The following KSR2 variants were observed in gnomAD, a reference collection of about 807,000 sequenced individuals.
The protein encoded by KSR2 is kinase suppressor of ras 2.
A neutral mutation model predicts 107.8 loss-of-function variants in KSR2; 25 were observed. The observed-to-expected ratio is 0.23, with a 90% CI of 0.17 to 0.32. KSR2 has a LOEUF of 0.32. KSR2 is among the 10% of genes least tolerant of loss of function. KSR2 has a pLI of 1.00. For missense variants in KSR2, 887 were observed against 1,268.9 expected (o/e 0.70, Z 4.57); for synonymous variants, 480 against 507.0 (o/e 0.95, Z 0.71).
At chr12:117,710,877 T>G (rs1886745050) in intron 4 of KSR2, among the ~76,000 whole-genome samples, 1 of 152,056 alleles carries the variant, frequency 6.6e-6, no homozygotes, top group South Asian at 2.1e-4. Flanking sequence ...CAATGAACAT[T>G]CTAAAATCAT....
chr12:117,704,400 T>C (rs1886440572), intron 4 of KSR2, among the ~76,000 whole-genome samples: 1 of 152,164 alleles, frequency 6.6e-6, no homozygotes, highest in South Asian at 2.1e-4. Context: ...GTCTCTTTAA[T>C]AATTGATCAA....
chr12:117,786,163 T>C (rs561495504), intron 3 of KSR2, among the ~76,000 whole-genome samples: 1 of 152,234 alleles, frequency 6.6e-6, no homozygotes, highest in African/African-American at 2.4e-5. Context: ...TACTAGAACA[T>C]CTTTTTTTTT....
chr12:117,757,336 C>T (rs191921005), intron 4 of KSR2, among the ~76,000 whole-genome samples: 14 of 152,314 alleles, frequency 9.2e-5, no homozygotes, highest in Admixed American at 7.2e-4. Flanking sequence ...CAAGGAGTTG[C>T]TTCTTACGGA....
At chr12:117,906,302 G>T (rs371259610) in intron 1 of KSR2, among the ~76,000 whole-genome samples, 1 of 144,306 alleles carries the variant, frequency 6.9e-6, no homozygotes, top group Non-Finnish European at 1.5e-5. Context: ...GTGGTGAGCC[G>T]AGATCGGGCC....
At chr12:117,529,292 C>T (rs745481328) in intron 12 of KSR2, among the ~76,000 whole-genome samples, 2 of 152,200 alleles carry the variant, frequency 1.3e-5, no homozygotes, top group African/African-American at 2.4e-5. Context: ...TCCCACCTCA[C>T]TGAACCTCCA....
intron 1 of KSR2, among the ~76,000 whole-genome samples, chr12:117,948,141 A>G: frequency 6.6e-6 from 1 of 152,172 alleles, no homozygotes; most frequent in East Asian, 1.9e-4. Flanking sequence ...CCTAGATTTG[A>G]CTGGTCAATT....
intron 3 of KSR2, among the ~76,000 whole-genome samples, chr12:117,789,151 C>T (rs536240505): frequency 7.2e-5 from 11 of 152,300 alleles, no homozygotes; most frequent in African/African-American, 2.4e-4. Flanking sequence ...TGCTAAACTT[C>T]GTACATCTCA....
chr12:117,901,502 CA>C (rs2137395109), intron 1 of KSR2, among the ~76,000 whole-genome samples: 1 of 152,124 alleles, frequency 6.6e-6, no homozygotes, highest in South Asian at 2.1e-4. Flanking sequence ...GAGGTTTCAC[CA>C]TATTGCCCAG....
intron 7 of KSR2, among the ~76,000 whole-genome samples, chr12:117,559,345 T>G (rs1877948198): frequency 6.6e-6 from 1 of 152,220 alleles, no homozygotes; most frequent in Non-Finnish European, 1.5e-5. Flanking sequence ...AAATATCAAA[T>G]ATCATGCTTT....
intron 4 of KSR2, among the ~76,000 whole-genome samples, chr12:117,720,966 C>T (rs1320918937): frequency 6.6e-6 from 1 of 152,170 alleles, no homozygotes; most frequent in African/African-American, 2.4e-5. Context: ...ATGACAGTGA[C>T]AGGTATTGAC....
At chr12:117,532,775 G>T (rs1444454614) in intron 10 of KSR2, among the ~76,000 whole-genome samples, 1 of 152,100 alleles carries the variant, frequency 6.6e-6, no homozygotes, top group Admixed American at 6.6e-5. Flanking sequence ...GGAATAGGGG[G>T]CCAAGCGGTG....
chr12:117,872,557 G>A (rs1031823410), intron 1 of KSR2, among the ~76,000 whole-genome samples: 5 of 149,676 alleles, frequency 3.3e-5, no homozygotes, highest in Admixed American at 6.7e-5. Flanking sequence ...AGAGCAAGAC[G>A]CTGTCTCCAA....
chr12:117,615,775 C>T (rs1881845453), intron 5 of KSR2, among the ~76,000 whole-genome samples: 1 of 152,314 alleles, frequency 6.6e-6, no homozygotes, highest in Middle Eastern at 3.4e-3. Flanking sequence ...ACTGCCCAGC[C>T]AAGCTGCTCC....
rs574916226 is a variant in KSR2 at position 117,699,032 on chromosome 12, C to A, written c.987-31374G>T. Among the ~76,000 whole-genome samples, 4 of 152,356 alleles carry A rather than the reference C, an allele frequency of 2.6e-5. No homozygotes were observed. The South Asian group carries it at 8.3e-4, about 32-fold the overall frequency. Reference sequence around the variant, plus strand: ...TCTAAAAGAGCAGCTCTCTCCTTAACACTTTCTACCTCTTGACCTTGCTCT... The same window carrying A: ...TCTAAAAGAGCAGCTCTCTCCTTAAAACTTTCTACCTCTTGACCTTGCTCT... On this transcript the variant is annotated intron_variant, in intron 4 of 19. Transcript: ENST00000339824.
In KSR2 at chr12:117,465,651, C is replaced by G. The variant is rs1376787120; in HGVS notation, c.*1548G>C. The G allele has an allele frequency of 6.6e-6, 1 of 152,186 alleles. No individual in the cohort carries two copies. Among genetic ancestry groups the G allele is most frequent in the Non-Finnish European group, 1.5e-5 (1 of 68,064 alleles). The allele number at this position is 152,186 out of a possible 1,614,324, so 9.4% of individuals were successfully genotyped here. On this transcript the variant is annotated 3_prime_UTR_variant, in exon 20 of 20. Transcript: ENST00000339824. ...GAAGTTCCAGTTCCTCTCTCTGGCC[C>G]TCTAGGAGGGAGATGCCTGGATAGA...
At chr12:117,874,617 A>G (rs1439382313) in intron 1 of KSR2, among the ~76,000 whole-genome samples, 1 of 152,198 alleles carries the variant, frequency 6.6e-6, no homozygotes, top group Non-Finnish European at 1.5e-5. Context: ...ATAAAGCAGC[A>G]TCGGGATCGT....
chr12:117,863,889 C>T (rs1291455176), intron 1 of KSR2, among the ~76,000 whole-genome samples: 28 of 152,130 alleles, frequency 1.8e-4, no homozygotes, highest in Admixed American at 1.8e-3. Flanking sequence ...CTGCTACTGC[C>T]CCTTACCCTC....
intron 3 of KSR2, among the ~76,000 whole-genome samples, chr12:117,811,087 C>T (rs1891174749): frequency 2.0e-5 from 3 of 152,134 alleles, no homozygotes; most frequent in Admixed American, 2.0e-4. Flanking sequence ...CTTTTGGTGA[C>T]TGGTGCTTCA....
chr12:117,757,054 CA>C (rs58452409), intron 4 of KSR2, among the ~76,000 whole-genome samples: 17,865 of 137,396 alleles, frequency 0.13, 1,087 homozygotes, highest in Middle Eastern at 0.18. Context: ...GACTCCATCT[CA>C]AAAAAAAAAA....
Sources: allele counts gnomAD v4.1 joint callset (sites outside exome capture counted in the v4.1 genomes callset), GRCh38; gene constraint gnomAD v4.1.1; transcripts MANE v1.5; gene names NCBI Gene and HGNC (gene_info 2026-07-23, HGNC 2026-07-21).